The following EEA1 variants were observed in gnomAD, a reference collection of about 807,000 sequenced individuals.
EEA1 encodes early endosome antigen 1, 162kD.
In EEA1, 111 loss-of-function variants were observed where a neutral mutation model predicts 209.2. That is an observed-to-expected ratio of 0.53 (90% confidence interval 0.45 to 0.62). The LOEUF (loss-of-function observed/expected upper bound fraction) is 0.62, where lower values mean the gene tolerates loss of function less well. Among genes scored for constraint, EEA1 ranks in the 20% least tolerant of loss-of-function variants. EEA1 has a pLI of 0.00. For synonymous variants in EEA1, 536 were observed against 540.6 expected (o/e 0.99, Z 0.12); for missense variants, 1,343 against 1,530.8 (o/e 0.88, Z 2.05).
At chr12:92,777,474 A>G in intron 27 of EEA1, 69 bp downstream of exon 27, 1 of 1,493,100 alleles carries the variant, frequency 6.7e-7, no homozygotes, top group Non-Finnish European at 9.0e-7. Flanking sequence ...TTTAAAAGGT[A>G]AAAATATGCT....
intron 3 of EEA1, among the ~76,000 whole-genome samples, chr12:92,859,632 A>G (rs2019146): frequency 0.26 from 39,241 of 152,148 alleles, 5,569 homozygotes; most frequent in Non-Finnish European, 0.32. Context: ...GATCCATGTA[A>G]CTGCCTAGAA....
chr12:92,876,716 A>C (rs192470998), intron 2 of EEA1, among the ~76,000 whole-genome samples: 12 of 152,202 alleles, frequency 7.9e-5, no homozygotes, highest in Admixed American at 6.5e-4. Context: ...AAAGCCCAAG[A>C]AAAGAAAAAA....
At chr12:92,807,810 T>C (rs762471277) in intron 18 of EEA1, among the ~76,000 whole-genome samples, 18 of 152,122 alleles carry the variant, frequency 1.2e-4, no homozygotes, top group African/African-American at 4.3e-4. Context: ...GTTTGTGTAT[T>C]AGAAGACTCA....
At position 92,773,198 on chromosome 12, in the gene EEA1, G is replaced by T. The variant is rs758460207; in HGVS notation, c.*2813C>A. On this transcript the variant is annotated 3_prime_UTR_variant, in exon 29 of 29. Coordinates refer to ENST00000322349, the MANE Select transcript of EEA1 (RefSeq NM_003566.4). ...ACAGGTCATGAATATCAAAATATATGATCATAATTTGCTCTCTACTTAAAA... is the reference window on the plus strand; with the variant it reads ...ACAGGTCATGAATATCAAAATATATTATCATAATTTGCTCTCTACTTAAAA... 6.6e-6 allele frequency: 1 copy of T among 151,870 alleles called. No homozygotes were observed. The allele number at this position is 151,870 out of a possible 1,614,324, so 9.4% of individuals were successfully genotyped here. A position where few individuals can be genotyped will look rare whatever the true frequency, so the allele number is the denominator to read the frequency against.
intron 2 of EEA1, among the ~76,000 whole-genome samples, chr12:92,875,227 G>T (rs181702797): frequency 6.6e-6 from 1 of 152,132 alleles, no homozygotes; most frequent in African/African-American, 2.4e-5. Context: ...TGAGGCAGGC[G>T]GATCACAAGG....
In EEA1 at chr12:92,807,739, A is replaced by C. The variant is rs1338496063; in HGVS notation, c.2339+1278T>G. Among the ~76,000 whole-genome samples the C allele has an allele frequency of 2.0e-5, 3 of 152,304 alleles. No homozygotes were observed. In the East Asian group the frequency reaches 5.8e-4, roughly 29 times the overall value. On this transcript the variant is annotated intron_variant, in intron 18 of 28. Coordinates refer to ENST00000322349, the MANE Select transcript of EEA1 (RefSeq NM_003566.4). The stretch of plus-strand genomic sequence containing the variant: ...AAAAGATGTACAAGATGTCTATGTT[A>C]AAAACCATAAAATACTGCTCAGAGA...
chr12:92,873,846 T>G (rs1042298277), intron 2 of EEA1, among the ~76,000 whole-genome samples: 2 of 152,196 alleles, frequency 1.3e-5, no homozygotes, highest in African/African-American at 4.8e-5. Context: ...AAACATTCAG[T>G]AAATGTTAGC....
rs201189261 is a variant in EEA1, at chr12:92,802,586, A to G, written c.2488T>C (p.Leu830=). 6.9e-6 allele frequency: 11 copies of G among 1,600,640 alleles called. No individual in the cohort carries two copies. The Admixed American group carries it at 1.4e-4, about 21-fold the overall frequency. ...SQETKIQHEE[L]NNRIQTTVTE... is the part of the protein sequence containing the mutation. ...ACTGTTGTTTGAATTCTGTTATTCAATTCCTCATGCTGAATCTTTGTTTCT... is the reference window on the plus strand; with the variant it reads ...ACTGTTGTTTGAATTCTGTTATTCAGTTCCTCATGCTGAATCTTTGTTTCT... Residue 830 remains leucine, a synonymous_variant, in exon 19 of 29, where the codon TTG becomes CTG. Transcript: ENST00000322349.
chr12:92,862,735 A>G (rs1878206923), intron 3 of EEA1, among the ~76,000 whole-genome samples: 3 of 152,232 alleles, frequency 2.0e-5, no homozygotes, highest in Non-Finnish European at 4.4e-5. Flanking sequence ...GTAAAAATGT[A>G]AAAGAATATA....
intron 1 of EEA1, among the ~76,000 whole-genome samples, chr12:92,910,381 A>T (rs1051170468): frequency 8.6e-5 from 13 of 151,770 alleles, no homozygotes; most frequent in African/African-American, 3.1e-4. Context: ...AGGCAGGAGA[A>T]TCGCTTGAAC....
intron 1 of EEA1, among the ~76,000 whole-genome samples, chr12:92,900,720 G>A (rs1462481996): frequency 6.6e-6 from 1 of 151,602 alleles, no homozygotes; most frequent in Non-Finnish European, 1.5e-5. Context: ...CCAGGCTGGG[G>A]TACAATGGTG....
chr12:92,854,002 A>AATC, intron 5 of EEA1, 48 bp from the exon 6 acceptor site: 1 of 1,439,968 alleles, frequency 6.9e-7, no homozygotes, highest in South Asian at 1.3e-5. Flanking sequence ...AGGAAAAGAT[A>AATC]ATACTGTTAA....
At chr12:92,857,735 G>C (rs1192148969) in intron 3 of EEA1, among the ~76,000 whole-genome samples, 1 of 152,132 alleles carries the variant, frequency 6.6e-6, no homozygotes, top group Non-Finnish European at 1.5e-5. Context: ...TGACTGTTAA[G>C]TGCCCAAGCC....
intron 24 of EEA1, 94 bp downstream of exon 24, chr12:92,780,186 G>A (rs1453251953): frequency 7.3e-7 from 1 of 1,363,758 alleles, no homozygotes; most frequent in Non-Finnish European, 9.9e-7. Flanking sequence ...CACATAGCAA[G>A]TTCTCAATAA....
At chr12:92,777,011 C>A (rs1351158417) in intron 27 of EEA1, 69 bp from the exon 28 acceptor site, 5 of 1,514,952 alleles carry the variant, frequency 3.3e-6, no homozygotes, top group Non-Finnish European at 4.5e-6. Flanking sequence ...TTATTTCTAA[C>A]TTGCTGCCAG....
At chr12:92,791,640 T>C (rs573898340) in intron 21 of EEA1, among the ~76,000 whole-genome samples, 22 of 152,266 alleles carry the variant, frequency 1.4e-4, no homozygotes, top group Middle Eastern at 3.4e-3. Context: ...CTTAGAGACC[T>C]ACAAAGAGAC....
rs1453488782 is a variant in EEA1, at chr12:92,811,346, A to T, written c.2132T>A (p.Leu711His). ...GAGGTATTTCTCTTTATATTCTTTA[A>T]GATGACTTTCCAGCTGACTGCAATG... ...QEHCSQLESH[L>H]KEYKEKYLSL... The change falls in exon 17 of 29, where the codon CTT (leucine) becomes CAT (histidine). Residue 711 changes from leucine to histidine, a missense_variant. Leu to His is a moderately conservative substitution (Grantham distance 99). Coordinates refer to ENST00000322349, the MANE Select transcript of EEA1 (RefSeq NM_003566.4). The T allele has an allele frequency of 6.2e-7, 1 of 1,607,914 alleles. No homozygotes were observed.
intron 28 of EEA1, 54 bp downstream of exon 28, chr12:92,776,790 T>C: frequency 6.7e-7 from 1 of 1,488,524 alleles, no homozygotes; most frequent in South Asian, 1.1e-5. Flanking sequence ...AAAACATTAA[T>C]TATCAGTGAC....
intron 9 of EEA1, among the ~76,000 whole-genome samples, chr12:92,845,679 T>C (rs1877362472): frequency 6.6e-6 from 1 of 152,200 alleles, no homozygotes; most frequent in Admixed American, 6.5e-5. Context: ...TGCACTTTAT[T>C]TTTCTTCCTC....
Sources: allele counts gnomAD v4.1 joint callset (sites outside exome capture counted in the v4.1 genomes callset), GRCh38; gene constraint gnomAD v4.1.1; transcripts MANE v1.5; gene names NCBI Gene and HGNC (gene_info 2026-07-23, HGNC 2026-07-21).